Variants in GOLGA8J observed in about 807,000 individuals in gnomAD.
GOLGA8J encodes the protein golgin subfamily A member 8J.
In GOLGA8J, 19 loss-of-function variants were observed where a neutral mutation model predicts 67.7. The ratio of observed to expected loss-of-function variants is 0.28; its 90% CI spans 0.20 to 0.41. GOLGA8J has a LOEUF of 0.41. Among genes scored for constraint, GOLGA8J ranks in the 10% least tolerant of loss-of-function variants. The pLI is 1.00. For synonymous variants in GOLGA8J, 69 were observed against 215.9 expected (o/e 0.32, Z 5.97); for missense variants, 205 against 584.3 (o/e 0.35, Z 6.69).
At position 30,096,592 on chromosome 15, in the gene GOLGA8J, A is replaced by T. The variant is rs1269287938; in HGVS notation, c.*3093A>T. On this transcript the variant is annotated 3_prime_UTR_variant, in exon 19 of 19. Transcript: ENST00000567927. Reference sequence around the variant, plus strand: ...CCAGTTTATGAATTATTGTAAAGAGAATGTGTCGTGGAAATACTGAAAGAT... The same window carrying T: ...CCAGTTTATGAATTATTGTAAAGAGTATGTGTCGTGGAAATACTGAAAGAT... 4.0e-3 allele frequency among the ~76,000 whole-genome samples: 572 copies of T among 143,332 alleles called. No individual in the cohort carries two copies. Among genetic ancestry groups the T allele is most frequent in the African/African-American group, 0.01 (388 of 37,208 alleles). The allele number at this position is 143,332 out of a possible 152,430, so 94.0% of individuals were successfully genotyped here. A position where few individuals can be genotyped will look rare whatever the true frequency, so the allele number is the denominator to read the frequency against.
chr15:30,094,996 T>C lies in GOLGA8J; in HGVS notation c.*1497T>C, dbSNP rs1004944715. 5.5e-5 allele frequency among the ~76,000 whole-genome samples: 8 copies of C among 144,900 alleles called. No individual in the cohort carries two copies. Among genetic ancestry groups the C allele is most frequent in the African/African-American group, 2.2e-4 (8 of 36,610 alleles). ...CTTCTTTACAAAGTGAAATATGTTTTTGTACCTCTGGGTTTCTGTTCGGGA... is the reference window on the plus strand; with the variant it reads ...CTTCTTTACAAAGTGAAATATGTTTCTGTACCTCTGGGTTTCTGTTCGGGA... On this transcript the variant is annotated 3_prime_UTR_variant, in exon 19 of 19. Transcript: ENST00000567927.
At chr15:30,084,622 G>C (rs2057330711) in intron 1 of GOLGA8J, 149 bp from the exon 2 acceptor site, 1 of 519,732 alleles carries the variant, frequency 1.9e-6, no homozygotes, top group Admixed American at 3.8e-5. Flanking sequence ...ATCCTTCTCA[G>C]TCACTAAATG....
intron 13 of GOLGA8J, 86 bp downstream of exon 13, chr15:30,090,366 G>A: frequency 6.7e-7 from 1 of 1,499,484 alleles, no homozygotes; most frequent in Non-Finnish European, 8.9e-7. Flanking sequence ...CCAGGCCAGA[G>A]GCAGCTTCCA....
chr15:30,090,406 C>A, intron 13 of GOLGA8J, 126 bp downstream of exon 13: 1 of 1,528,216 alleles, frequency 6.5e-7, no homozygotes, highest in Non-Finnish European at 8.8e-7. Context: ...CAGCACCCCC[C>A]AGGGCAGTCC....
rs4555130 is a variant in GOLGA8J at position 30,092,023 on chromosome 15, G to C, written c.1277-19G>C. On this transcript the variant is annotated intron_variant, in intron 14 of 18. Transcript: ENST00000567927. ...CCCTTGTTGGGTTGTCTGAAGACCC[G>C]TCTGACCACCCCCCACAGGACACGG... 7.0e-5 allele frequency: 112 copies of C among 1,596,802 alleles called. 6 individuals carry two copies. Among genetic ancestry groups the C allele is most frequent in the African/African-American group, 3.8e-4 (27 of 71,630 alleles).
chr15:30,092,210 T>A lies in GOLGA8J; in HGVS notation c.1368+77T>A, dbSNP rs371417547. 1.7e-4 allele frequency: 177 copies of A among 1,021,732 alleles called. 1 individual carries two copies. The East Asian group carries it at 2.9e-3, about 17-fold the overall frequency. The allele number at this position is 1,021,732 out of a possible 1,614,324, so 63.3% of individuals were successfully genotyped here. A position where few individuals can be genotyped will look rare whatever the true frequency, so the allele number is the denominator to read the frequency against. On this transcript the variant is annotated intron_variant, in intron 15 of 18. Transcript: ENST00000567927. The stretch of plus-strand genomic sequence containing the variant: ...CCAAGACCCCTTTATGCTCTTCGTT[T>A]CCCTGCCTTCTGATTTCTCTGGACC...
intron 13 of GOLGA8J, among the ~76,000 whole-genome samples, chr15:30,090,709 T>A (rs1486276894): frequency 1.6e-5 from 2 of 124,804 alleles, no homozygotes; most frequent in African/African-American, 7.8e-5. Context: ...AAAAAAAAAT[T>A]AGCAGGACAT....
chr15:30,091,994 A>T lies in GOLGA8J; in HGVS notation c.1277-48A>T, dbSNP rs555074006. On this transcript the variant is annotated intron_variant, in intron 14 of 18. Transcript: ENST00000567927. ...GTGGAGGTAGAGGTGGGCCCACAGT[A>T]CCTCCCTTGTTGGGTTGTCTGAAGA... is the stretch of plus-strand genomic sequence containing the variant. 740 of 1,592,894 alleles carry T rather than the reference A, an allele frequency of 4.6e-4. 7 individuals are homozygous for T. Among genetic ancestry groups the T allele is most frequent in the Admixed American group, 1.9e-3 (110 of 57,012 alleles).
chr15:30,095,518 A>T lies in GOLGA8J; in HGVS notation c.*2019A>T, dbSNP rs1567311007. 2.1e-5 allele frequency among the ~76,000 whole-genome samples: 3 copies of T among 142,406 alleles called. 1 individual carries two copies. The highest frequency in any genetic ancestry group is 7.0e-5 in the Admixed American group (1 of 14,198). The allele number at this position is 142,406 out of a possible 152,430, so 93.4% of individuals were successfully genotyped here. A position where few individuals can be genotyped will look rare whatever the true frequency, so the allele number is the denominator to read the frequency against. The stretch of plus-strand genomic sequence containing the variant: ...TACGATTTGTAGCCCGTGGGTTTAA[A>T]ATGCACTTAAAGTCCTGTTCTCGCC... On this transcript the variant is annotated 3_prime_UTR_variant, in exon 19 of 19. Coordinates refer to ENST00000567927, the MANE Select transcript of GOLGA8J (RefSeq NM_001282472.2).
At position 30,092,037 on chromosome 15, in the gene GOLGA8J, C is replaced by A. The variant is rs765876747; in HGVS notation, c.1277-5C>A. The A allele has an allele frequency of 5.0e-6, 8 of 1,598,460 alleles. No individual in the cohort carries two copies. The highest frequency in any genetic ancestry group is 2.0e-4 in the Middle Eastern group (1 of 4,886). ...TCTGAAGACCCGTCTGACCACCCCC[C>A]ACAGGACACGGAGGAGAACATCTGG... is the stretch of plus-strand genomic sequence containing the variant. On this transcript the variant is annotated splice_region_variant and splice_polypyrimidine_tract_variant and intron_variant, in intron 14 of 18. Coordinates refer to ENST00000567927, the MANE Select transcript of GOLGA8J (RefSeq NM_001282472.2).
intron 14 of GOLGA8J, 62 bp from the exon 15 acceptor site, chr15:30,091,980 G>T (rs2057409603): frequency 1.9e-6 from 3 of 1,574,398 alleles, no homozygotes; most frequent in Admixed American, 3.6e-5. Context: ...TGGAGGTAGA[G>T]GTGGGCCCAC....
At position 30,096,688 on chromosome 15, in the gene GOLGA8J, C is replaced by CT. The variant is rs2057471652; in HGVS notation, c.*3189_*3190insT. Among the ~76,000 whole-genome samples the CT allele has an allele frequency of 6.7e-6, 1 of 149,528 alleles. No individual in the cohort carries two copies. On this transcript the variant is annotated 3_prime_UTR_variant, in exon 19 of 19. Transcript: ENST00000567927. ...AATGTAATAAATTATTAAGTTGTTT[C>CT]AATGTGTTGTTTTTGTCTTAAAATT...
Position 30,084,805 on chromosome 15 carries a change from T to A in GOLGA8J, c.83T>A (p.Val28Asp), listed in dbSNP as rs1360968741. Residue 28 changes from valine to aspartate, a missense_variant, in exon 2 of 19, where the codon GTT (valine) becomes GAT (aspartate). Transcript: ENST00000567927. ...TATTGGCAGAAAAACAGCCCTAGAG[T>A]TCCAGCAGGAGCGAACAGGAACAGG... ...KEYWQKNSPR[V>D]PAGANRNRKT... The A allele has an allele frequency of 7.9e-7, 1 of 1,260,924 alleles. No individual in the cohort carries two copies. Among genetic ancestry groups the A allele is most frequent in the Non-Finnish European group, 1.0e-6 (1 of 965,974 alleles). 78.1% of individuals were successfully genotyped at this position (1,260,924 alleles called of 1,614,324 possible). A position where few individuals can be genotyped will look rare whatever the true frequency, so the allele number is the denominator to read the frequency against.
chr15:30,094,370 C>A lies in GOLGA8J; in HGVS notation c.*871C>A, dbSNP rs896446082. On this transcript the variant is annotated 3_prime_UTR_variant, in exon 19 of 19. Transcript: ENST00000567927. ...CATCATTGACTGTGGATGTGGGAAACCTTTCCTAGCTTAGAGCATTTGTAT... is the reference window on the plus strand; with the variant it reads ...CATCATTGACTGTGGATGTGGGAAAACTTTCCTAGCTTAGAGCATTTGTAT... 6.8e-6 allele frequency among the ~76,000 whole-genome samples: 1 copy of A among 147,878 alleles called. No individual in the cohort carries two copies. The highest frequency in any genetic ancestry group is 6.7e-5 in the Admixed American group (1 of 15,000).
rs2057451420 is a variant in GOLGA8J, at chr15:30,094,757, TA to T, written c.*1260del. Among the ~76,000 whole-genome samples, 1 of 129,228 alleles carries T rather than the reference TA, an allele frequency of 7.7e-6. No individual in the cohort carries two copies. The highest frequency in any genetic ancestry group is 2.3e-4 in the South Asian group (1 of 4,386). 84.8% of individuals were successfully genotyped at this position (129,228 alleles called of 152,430 possible). ...TTTGAATGGAAAACACTTTAAAAAA[TA>T]ATAGAAACATTATTATAAACTAATA... On this transcript the variant is annotated 3_prime_UTR_variant, in exon 19 of 19. Transcript: ENST00000567927.
chr15:30,090,075 T>C (rs2057381863), intron 12 of GOLGA8J, 119 bp downstream of exon 12: 1 of 1,060,028 alleles, frequency 9.4e-7, no homozygotes, highest in Admixed American at 2.8e-5. Context: ...AAGGCACCTG[T>C]GAGCCAGGTG....
At position 30,092,974 on chromosome 15, in the gene GOLGA8J, A is replaced by G; in HGVS notation, c.1553A>G (p.Gln518Arg). 4 of 1,397,454 alleles carry G rather than the reference A, an allele frequency of 2.9e-6. 1 individual carries two copies. 86.6% of individuals were successfully genotyped at this position (1,397,454 alleles called of 1,614,324 possible). ...GGAGGACACCATCAGGCTGGAGCTC[A>G]GGGAGGAGATGAAGGTAGGGTGTGC... Reference protein sequence around the residue: ...LGGGHHQAGAQGGDEGEAAGA... With the variant: ...LGGGHHQAGARGGDEGEAAGA... Residue 518 changes from glutamine to arginine, a missense_variant, in exon 17 of 19, where the codon CAG becomes CGG. Coordinates refer to ENST00000567927, the MANE Select transcript of GOLGA8J (RefSeq NM_001282472.2).
At chr15:30,093,294 G>C in intron 18 of GOLGA8J, 30 bp from the exon 19 acceptor site, 1 of 1,563,648 alleles carries the variant, frequency 6.4e-7, no homozygotes, top group Non-Finnish European at 8.6e-7. Context: ...CTCCCACTGT[G>C]CTCAGATCCC....
At position 30,095,547 on chromosome 15, in the gene GOLGA8J, T is replaced by C. The variant is rs1014549954; in HGVS notation, c.*2048T>C. ...CACTTAAAGTCCTGTTCTCGCCTTTTATTTTCTGAACTTGCCGCTTTTGCA... is the reference window on the plus strand; with the variant it reads ...CACTTAAAGTCCTGTTCTCGCCTTTCATTTTCTGAACTTGCCGCTTTTGCA... On this transcript the variant is annotated 3_prime_UTR_variant, in exon 19 of 19. Coordinates refer to ENST00000567927, the MANE Select transcript of GOLGA8J (RefSeq NM_001282472.2). Among the ~76,000 whole-genome samples the C allele has an allele frequency of 1.5e-5, 2 of 136,836 alleles. No homozygotes were observed. Among genetic ancestry groups the C allele is most frequent in the Non-Finnish European group, 1.5e-5 (1 of 64,524 alleles). 89.8% of individuals were successfully genotyped at this position (136,836 alleles called of 152,430 possible).
Sources: allele counts gnomAD v4.1 joint callset (sites outside exome capture counted in the v4.1 genomes callset), GRCh38; gene constraint gnomAD v4.1.1; transcripts MANE v1.5; gene names NCBI Gene and HGNC (gene_info 2026-07-23, HGNC 2026-07-21).